The following IGSF21 variants were observed in gnomAD, a reference collection of about 807,000 sequenced individuals.
The protein encoded by IGSF21 is immunoglobulin superfamily member 21.
Under a neutral mutation model 46.8 loss-of-function variants are expected in IGSF21, and 28 were observed. That is an observed-to-expected ratio of 0.60 (90% CI 0.44 to 0.82). The LOEUF is 0.82. IGSF21 is among the 40% of genes least tolerant of loss of function. The pLI is 0.00. For missense variants in IGSF21, 624 were observed against 665.5 expected (o/e 0.94, Z 0.69); for synonymous variants, 284 against 273.6 (o/e 1.04, Z -0.38).
chr1:18,304,430 G>A (rs1032968795), intron 3 of IGSF21, among the ~76,000 whole-genome samples: 13 of 152,166 alleles, frequency 8.5e-5, no homozygotes, highest in Admixed American at 8.5e-4. Flanking sequence ...AGATCTGCTG[G>A]CAGCCTTCAG....
intron 2 of IGSF21, chr1:18,278,868 T>TAA: frequency 2.1e-6 from 1 of 471,678 alleles, no homozygotes; most frequent in Non-Finnish European, 4.4e-6. Flanking sequence ...TGTTCACATT[T>TAA]TAATTGTGGA....
chr1:18,189,799 C>T (rs952488189), intron 1 of IGSF21, among the ~76,000 whole-genome samples: 2 of 152,148 alleles, frequency 1.3e-5, no homozygotes, highest in African/African-American at 2.4e-5. Context: ...GCTTGCCTGC[C>T]ATTCGCTTAC....
chr1:18,152,918 G>A (rs2124435497), intron 1 of IGSF21, among the ~76,000 whole-genome samples: 1 of 152,292 alleles, frequency 6.6e-6, no homozygotes, highest in South Asian at 2.1e-4. Context: ...GAATATCCAA[G>A]GCTATCTTAT....
chr1:18,365,459 G>A lies in IGSF21; in HGVS notation c.777G>A (p.Gln259=). The A allele has an allele frequency of 6.2e-7, 1 of 1,613,972 alleles. No homozygotes were observed. The highest frequency in any genetic ancestry group is 1.1e-5 in the South Asian group (1 of 91,056). The change falls in exon 6 of 10, where the codon CAG becomes CAA. Residue 259 remains glutamine (Q), a synonymous_variant. Transcript: ENST00000251296. This position sits in a 1 kb window ranked among gnomAD's most constrained non-coding sequence, Gnocchi z 4.8. The part of the protein sequence containing the change: ...GLTPDPNILL[Q]PTTENIPETV... Reference sequence around the variant, plus strand: ...CCCCAGATCCCAACATCCTCCTCCAGCCAACCACAGAGAACATACCAGAGA... The same window carrying A: ...CCCCAGATCCCAACATCCTCCTCCAACCAACCACAGAGAACATACCAGAGA...
At chr1:18,344,809 T>C (rs1418161318) in intron 4 of IGSF21, among the ~76,000 whole-genome samples, 1 of 152,176 alleles carries the variant, frequency 6.6e-6, no homozygotes, top group Non-Finnish European at 1.5e-5. Context: ...AGCTCCTTCC[T>C]CTGTCTTAGA....
intron 2 of IGSF21, among the ~76,000 whole-genome samples, chr1:18,262,552 A>G (rs1276704132): frequency 6.6e-6 from 1 of 152,202 alleles, no homozygotes; most frequent in South Asian, 2.1e-4. Flanking sequence ...ATCTGGTGCG[A>G]GTGTCTGGCA....
At chr1:18,274,063 G>A (rs1322869079) in intron 2 of IGSF21, among the ~76,000 whole-genome samples, 3 of 152,176 alleles carry the variant, frequency 2.0e-5, no homozygotes, top group African/African-American at 7.2e-5. Flanking sequence ...TAGAAGAAAA[G>A]AATTGTAAGT....
In IGSF21 at chr1:18,259,982, G is replaced by C. The variant is rs146193433; in HGVS notation, c.184-31884G>C. Among the ~76,000 whole-genome samples the C allele has an allele frequency of 3.4e-3, 522 of 152,348 alleles. 8 individuals carry two copies. The South Asian group carries it at 0.047, about 14-fold the overall frequency. On this transcript the variant is annotated intron_variant, in intron 2 of 9. Transcript: ENST00000251296. The stretch of plus-strand genomic sequence containing the variant: ...TTGCTAGATGTGTGGCATTTGTCAT[G>C]TCCCTTCATCTCTCCAAGCCTCAGC...
chr1:18,226,967 C>T (rs2084574139), intron 1 of IGSF21, among the ~76,000 whole-genome samples: 1 of 152,214 alleles, frequency 6.6e-6, no homozygotes, highest in African/African-American at 2.4e-5. Flanking sequence ...TTAGAGGCCT[C>T]ACCAGACTAG....
At position 18,210,415 on chromosome 1, in the gene IGSF21, T is replaced by G. The variant is rs149068796; in HGVS notation, c.71-17483T>G. ...AGGAAAGATGCTCCCATGGAGTGAG[T>G]GGATCTAGTTTAGTGGCAAAGAAGT... is the stretch of plus-strand genomic sequence containing the variant. On this transcript the variant is annotated intron_variant, in intron 1 of 9. Transcript: ENST00000251296. 1.5e-4 allele frequency among the ~76,000 whole-genome samples: 23 copies of G among 152,138 alleles called. No individual in the cohort carries two copies. The East Asian group carries it at 3.5e-3, about 23-fold the overall frequency.
chr1:18,216,507 G>T (rs1215457390), intron 1 of IGSF21, among the ~76,000 whole-genome samples: 1 of 152,140 alleles, frequency 6.6e-6, no homozygotes, highest in Non-Finnish European at 1.5e-5. Context: ...GACAAGTTTG[G>T]GGGCCAGAGA....
chr1:18,356,774 G>A (rs536562525), intron 4 of IGSF21, among the ~76,000 whole-genome samples: 4 of 151,830 alleles, frequency 2.6e-5, no homozygotes, highest in East Asian at 3.9e-4. Context: ...TGAGAATTGA[G>A]TTGGAGATGA....
intron 1 of IGSF21, among the ~76,000 whole-genome samples, chr1:18,152,634 C>T (rs2086531133): frequency 6.6e-6 from 1 of 152,122 alleles, no homozygotes; most frequent in South Asian, 2.1e-4. Context: ...TTATCATAAT[C>T]ATGATTTCTC....
chr1:18,187,250 G>A (rs1036686609), intron 1 of IGSF21, among the ~76,000 whole-genome samples: 14 of 152,080 alleles, frequency 9.2e-5, no homozygotes, highest in East Asian at 5.8e-4. Context: ...GAGAAAGAGC[G>A]AGTGAGCACA....
At chr1:18,339,868 C>T (rs1038719820) in intron 4 of IGSF21, among the ~76,000 whole-genome samples, 1 of 152,180 alleles carries the variant, frequency 6.6e-6, no homozygotes, top group African/African-American at 2.4e-5. Flanking sequence ...CTGTCCCCAT[C>T]CCCATTTTTG....
At chr1:18,369,372 T>C (rs1404125939) in intron 6 of IGSF21, among the ~76,000 whole-genome samples, 1 of 152,206 alleles carries the variant, frequency 6.6e-6, no homozygotes, top group Non-Finnish European at 1.5e-5. Flanking sequence ...GCAGTGAACC[T>C]GTGAGGCCGC....
intron 4 of IGSF21, among the ~76,000 whole-genome samples, chr1:18,338,395 T>C (rs2085793627): frequency 6.6e-6 from 1 of 152,132 alleles, no homozygotes; most frequent in African/African-American, 2.4e-5. Context: ...CACTGAACAT[T>C]GGGGTCTCTT....
chr1:18,279,344 A>T (rs223190), intron 2 of IGSF21, among the ~76,000 whole-genome samples: 152,374 of 152,374 alleles, frequency 1, 76,187 homozygotes, highest in Non-Finnish European at 1. Flanking sequence ...GACATTGTCT[A>T]ATTCATGGCA....
intron 1 of IGSF21, among the ~76,000 whole-genome samples, chr1:18,139,260 G>A (rs2124423699): frequency 6.6e-6 from 1 of 152,306 alleles, no homozygotes; most frequent in South Asian, 2.1e-4. Context: ...TGTGTCTAAT[G>A]AGAAATTCTC....
Sources: allele counts gnomAD v4.1 joint callset (sites outside exome capture counted in the v4.1 genomes callset), GRCh38; gene constraint gnomAD v4.1.1; non-coding constraint Gnocchi (gnomAD v3.1); transcripts MANE v1.5; gene names NCBI Gene and HGNC (gene_info 2026-07-23, HGNC 2026-07-21).